FOXN3: variants seen among roughly 807,000 people sequenced by gnomAD.
FOXN3 encodes the protein forkhead box N3, also known as forkhead box protein N3.
In FOXN3, 7 loss-of-function variants were observed where a neutral mutation model predicts 38.4. That is an observed-to-expected ratio of 0.18 (90% CI 0.10 to 0.34). The LOEUF is 0.34. Among genes scored for constraint, FOXN3 ranks in the 10% least tolerant of loss-of-function variants. The pLI is 1.00. For synonymous variants in FOXN3, 230 were observed against 242.2 expected (o/e 0.95, Z 0.47); for missense variants, 456 against 613.4 (o/e 0.74, Z 2.71).
chr14:89,302,757 T>G (rs1372323014), intron 3 of FOXN3, among the ~76,000 whole-genome samples: 2 of 152,184 alleles, frequency 1.3e-5, no homozygotes, highest in Non-Finnish European at 2.9e-5. Flanking sequence ...TCTGAGAAGG[T>G]ATGCTACTTC....
intron 3 of FOXN3, among the ~76,000 whole-genome samples, chr14:89,325,717 A>G (rs996028903): frequency 6.6e-6 from 1 of 152,242 alleles, no homozygotes; most frequent in African/African-American, 2.4e-5. Context: ...AACAGAGAAC[A>G]GAAGAGGTGA....
intron 4 of FOXN3, among the ~76,000 whole-genome samples, chr14:89,260,095 T>C (rs1885749327): frequency 6.6e-6 from 1 of 152,232 alleles, no homozygotes; most frequent in Non-Finnish European, 1.5e-5. Context: ...TTAGAACACC[T>C]GAAAAGTATT....
chr14:89,619,048 G>C (rs907959926), exon 1 of FOXN3: 1 of 152,380 alleles, frequency 6.6e-6, no homozygotes, highest in Admixed American at 6.5e-5. Context: ...CTGCCCCCCC[G>C]CTGCTTCTCG....
At chr14:89,327,824 G>A (rs1477362014) in intron 3 of FOXN3, among the ~76,000 whole-genome samples, 1 of 152,176 alleles carries the variant, frequency 6.6e-6, no homozygotes, top group Non-Finnish European at 1.5e-5. Flanking sequence ...ATAATAAGCA[G>A]AGGCTACCAG....
chr14:89,413,598 A>G (rs532340173), intron 1 of FOXN3, among the ~76,000 whole-genome samples: 2 of 150,442 alleles, frequency 1.3e-5, no homozygotes, highest in East Asian at 4.0e-4. Context: ...GTACCACTGC[A>G]CTCCAGCCTG....
At chr14:89,317,766 T>C (rs1261214586) in intron 3 of FOXN3, among the ~76,000 whole-genome samples, 1 of 151,890 alleles carries the variant, frequency 6.6e-6, no homozygotes, top group Non-Finnish European at 1.5e-5. Context: ...CGGGGCCTGT[T>C]AGGAACCGGC....
chr14:89,454,633 T>C (rs1892684124), intron 1 of FOXN3, among the ~76,000 whole-genome samples: 1 of 152,218 alleles, frequency 6.6e-6, no homozygotes, highest in African/African-American at 2.4e-5. Context: ...TGAGGGATCA[T>C]TAGCTAAATC....
upstream of FOXN3, among the ~76,000 whole-genome samples, chr14:89,420,438 G>C (rs138102967): frequency 1.2e-3 from 188 of 152,290 alleles, no homozygotes; most frequent in Admixed American, 3.0e-3. Context: ...TGGGGAAGGG[G>C]TGTTCTTGAC....
chr14:89,506,376 C>T (rs1180580183), intron 1 of FOXN3, among the ~76,000 whole-genome samples: 60 of 142,110 alleles, frequency 4.2e-4, no homozygotes, highest in Non-Finnish European at 7.8e-4. Flanking sequence ...AGGTGAGGGG[C>T]GCCTCTGCCC....
intron 5 of FOXN3, among the ~76,000 whole-genome samples, chr14:89,175,227 G>GT (rs1304992815): frequency 6.6e-6 from 1 of 152,342 alleles, no homozygotes; most frequent in East Asian, 1.9e-4. Context: ...TTCACTTGAG[G>GT]TTGCTGGAGA....
At chr14:89,267,142 T>C (rs1230026262) in intron 4 of FOXN3, among the ~76,000 whole-genome samples, 1 of 152,108 alleles carries the variant, frequency 6.6e-6, no homozygotes, top group Non-Finnish European at 1.5e-5. Context: ...GAGGGGCAAT[T>C]CTGATAAAGG....
intron 4 of FOXN3, among the ~76,000 whole-genome samples, chr14:89,218,699 T>C (rs779143747): frequency 2.3e-4 from 35 of 152,240 alleles, no homozygotes; most frequent in Non-Finnish European, 7.3e-5. Flanking sequence ...TTATAAAGAA[T>C]GCTGTAGTGA....
At chr14:89,248,627 G>C (rs572978478) in intron 4 of FOXN3, among the ~76,000 whole-genome samples, 1 of 152,354 alleles carries the variant, frequency 6.6e-6, no homozygotes, top group South Asian at 2.1e-4. Flanking sequence ...TGTGCTACGT[G>C]AGGCAGTGGA....
chr14:89,457,592 G>C (rs1178709129), intron 1 of FOXN3, among the ~76,000 whole-genome samples: 2 of 152,190 alleles, frequency 1.3e-5, no homozygotes, highest in African/African-American at 4.8e-5. Context: ...CTCCTGCTTT[G>C]TGAAAAATCA....
intron 1 of FOXN3, among the ~76,000 whole-genome samples, chr14:89,530,173 C>T (rs536545121): frequency 2.0e-5 from 3 of 152,120 alleles, no homozygotes; most frequent in South Asian, 4.2e-4. Context: ...CTCCTGACCT[C>T]GTGATCCGCC....
At chr14:89,244,470 G>C (rs971610541) in intron 4 of FOXN3, among the ~76,000 whole-genome samples, 1 of 152,220 alleles carries the variant, frequency 6.6e-6, no homozygotes, top group African/African-American at 2.4e-5. Context: ...AGTGTGAAGA[G>C]TATGAAAAGG....
chr14:89,377,638 A>G (rs917370769), intron 2 of FOXN3, among the ~76,000 whole-genome samples: 1 of 152,254 alleles, frequency 6.6e-6, no homozygotes, highest in Non-Finnish European at 1.5e-5. Flanking sequence ...ACAGTAAAAA[A>G]TAAGAAGGGA....
Position 89,534,637 on chromosome 14 carries a change from G to A in FOXN3, c.-15+84391C>T, listed in dbSNP as rs536214415. 5.3e-5 allele frequency among the ~76,000 whole-genome samples: 8 copies of A among 152,272 alleles called. No homozygotes were observed. In the East Asian group the frequency reaches 1.5e-3, roughly 29 times the overall value. On this transcript the variant is annotated intron_variant, in intron 1 of 6. Coordinates refer to the FOXN3 transcript ENST00000345097. ...TCTAGGCCAGTGCTCAAATTTTGCTGTATATTAAGACTCCCCTGGGGAACC... is the reference window on the plus strand; with the variant it reads ...TCTAGGCCAGTGCTCAAATTTTGCTATATATTAAGACTCCCCTGGGGAACC...
chr14:89,243,525 T>A (rs1885201587), intron 4 of FOXN3, among the ~76,000 whole-genome samples: 2 of 152,206 alleles, frequency 1.3e-5, no homozygotes, highest in African/African-American at 4.8e-5. Flanking sequence ...CCTCCACACA[T>A]CAGCCTTATT....
Sources: allele counts gnomAD v4.1 joint callset (sites outside exome capture counted in the v4.1 genomes callset), GRCh38; gene constraint gnomAD v4.1.1; transcripts MANE v1.5; gene names NCBI Gene and HGNC (gene_info 2026-07-23, HGNC 2026-07-21).